The following IL27 variants were observed in gnomAD, a reference collection of about 807,000 sequenced individuals.
The protein encoded by IL27 is interleukin-27 subunit alpha.
A neutral mutation model predicts 27.0 loss-of-function variants in IL27; 11 were observed. The observed-to-expected ratio is 0.41, with a 90% CI of 0.26 to 0.67. The LOEUF (loss-of-function observed/expected upper bound fraction) is 0.67, where lower values mean the gene tolerates loss of function less well. Among genes scored for constraint, IL27 ranks in the 30% least tolerant of loss-of-function variants. The probability of loss-of-function intolerance (pLI) is 0.34; values close to 1 mark genes in which losing one functional copy is unlikely to be tolerated. For missense variants in IL27, 299 were observed against 310.4 expected (o/e 0.96, Z 0.28); for synonymous variants, 134 against 140.6 (o/e 0.95, Z 0.33).
intron 4 of IL27, 82 bp from the exon 5 acceptor site, chr16:28,500,002 T>C (rs1447163568): frequency 6.9e-7 from 1 of 1,450,184 alleles, no homozygotes; most frequent in Admixed American, 2.5e-5. Context: ...TGCCCAGCGG[T>C]TCCCAATGAC....
intron 1 of IL27, among the ~76,000 whole-genome samples, chr16:28,506,226 C>A (rs1221543265): frequency 6.6e-6 from 1 of 152,162 alleles, no homozygotes; most frequent in Non-Finnish European, 1.5e-5. Context: ...ATCCTCCAGC[C>A]TTTGGTCCCT....
At chr16:28,504,587 CTTTT>C (rs113113152) in intron 1 of IL27, among the ~76,000 whole-genome samples, 1 of 144,454 alleles carries the variant, frequency 6.9e-6, no homozygotes. Context: ...AAGCCTGATC[CTTTT>C]TTTTTTTTTT....
chr16:28,499,996 C>T, intron 4 of IL27, 76 bp from the exon 5 acceptor site: 2 of 1,455,404 alleles, frequency 1.4e-6, no homozygotes, highest in South Asian at 2.8e-5. Flanking sequence ...TATTCATGCC[C>T]AGCGGTTCCC....
Position 28,503,887 on chromosome 16 carries a change from G to C in IL27, c.195C>G (p.Ala65=), listed in dbSNP as rs2046447614. Residue 65 remains alanine, a synonymous_variant, in exon 2 of 5, where the codon GCC becomes GCG. Transcript: ENST00000356897. ...CATTAGGGGGACTTACAAAGCGGTG[G>C]GCCTGGCCCCGAACCTCGGAGAGCA... ...RKLLSEVRGQ[A]HRFAESHLPG... The C allele has an allele frequency of 6.2e-7, 1 of 1,614,040 alleles. No individual in the cohort carries two copies. Among genetic ancestry groups the C allele is most frequent in the African/African-American group, 1.3e-5 (1 of 74,942 alleles).
chr16:28,505,984 TG>T (rs141916168), intron 1 of IL27, among the ~76,000 whole-genome samples: 3,443 of 152,232 alleles, frequency 0.023, 62 homozygotes, highest in Non-Finnish European at 0.03. Flanking sequence ...TCAGACTCCC[TG>T]GTTTTGGGGC....
At chr16:28,501,536 T>A (rs2046429552) in intron 4 of IL27, among the ~76,000 whole-genome samples, 1 of 116,590 alleles carries the variant, frequency 8.6e-6, no homozygotes, top group Admixed American at 9.0e-5. Context: ...ATACACACAG[T>A]CATGCTCACA....
intron 3 of IL27, among the ~76,000 whole-genome samples, chr16:28,503,326 T>G (rs924122582): frequency 6.6e-6 from 1 of 152,128 alleles, no homozygotes; most frequent in South Asian, 2.1e-4. Context: ...CATAACTCAC[T>G]GCAGCCTCCA....
chr16:28,505,316 C>G (rs929425172), intron 1 of IL27, among the ~76,000 whole-genome samples: 1 of 150,890 alleles, frequency 6.6e-6, no homozygotes, highest in African/African-American at 2.4e-5. Context: ...GGGTAACCTG[C>G]CTGGGGCGAA....
Position 28,502,085 on chromosome 16 carries a change from G to T in IL27, c.353C>A (p.Ala118Asp), listed in dbSNP as rs1342626829. Reference protein sequence around the residue: ...FISTTLQPFHALLGGLGTQGR... With the variant: ...FISTTLQPFHDLLGGLGTQGR... ...CTGGGTCCCCAGCCCTCCCAGCAGG[G>T]CATGGAAGGGCTGAAGCGTGGTGGA... The change falls in exon 4 of 5, where the codon GCC becomes GAC. Residue 118 changes from alanine (A) to aspartate (D), a missense_variant. Transcript: ENST00000356897. 1 of 1,613,448 alleles carries T rather than the reference G, an allele frequency of 6.2e-7. No homozygotes were observed.
At position 28,503,737 on chromosome 16, in the gene IL27, G is replaced by T; in HGVS notation, c.261C>A (p.Leu87=). Residue 87 remains leucine (L), a synonymous_variant, in exon 3 of 5, where the codon CTC becomes CTA. Coordinates refer to ENST00000356897, the MANE Select transcript of IL27 (RefSeq NM_145659.3). ...NLYLLPLGEQ[L]PDVSLTFQAW... is the part of the protein sequence containing the mutation. ...CCTGGAAGGTCAGGGAAACATCAGG[G>T]AGCTGCTCTCCCAGGGGCAGGAGGT... 1 of 1,613,712 alleles carries T rather than the reference G, an allele frequency of 6.2e-7. No individual in the cohort carries two copies. The highest frequency in any genetic ancestry group is 8.5e-7 in the Non-Finnish European group (1 of 1,179,794).
At chr16:28,502,665 C>CT (rs1289550735) in intron 3 of IL27, among the ~76,000 whole-genome samples, 5 of 152,192 alleles carry the variant, frequency 3.3e-5, no homozygotes, top group Admixed American at 3.3e-4. Flanking sequence ...CTTCTCATCT[C>CT]TAACTATCCG....
intron 1 of IL27, 146 bp from the exon 2 acceptor site, chr16:28,504,196 G>A (rs1375864501): frequency 1.2e-5 from 10 of 806,046 alleles, no homozygotes; most frequent in Admixed American, 3.2e-5. Context: ...CCACAATGGA[G>A]GCTGGGTGCG....
intron 1 of IL27, among the ~76,000 whole-genome samples, chr16:28,504,309 C>T (rs1360711583): frequency 6.6e-6 from 1 of 152,148 alleles, no homozygotes; most frequent in Non-Finnish European, 1.5e-5. Flanking sequence ...GAAACCCTGT[C>T]TCTACTAAAA....
chr16:28,499,966 T>C (rs1316463479), intron 4 of IL27, 46 bp from the exon 5 acceptor site: 9 of 1,495,224 alleles, frequency 6.0e-6, no homozygotes, highest in Non-Finnish European at 7.2e-6. Context: ...GCCGAGAACC[T>C]GAGAGGAATC....
rs1289905036 is a variant in IL27, at chr16:28,504,574, CAGAAGCCTGATCCTT to C, written c.32-539_32-525del. Among the ~76,000 whole-genome samples, 9 of 148,708 alleles carry C rather than the reference CAGAAGCCTGATCCTT, an allele frequency of 6.1e-5. No homozygotes were observed. The Admixed American group carries it at 6.2e-4, about 10-fold the overall frequency. On this transcript the variant is annotated intron_variant, in intron 1 of 4. Transcript: ENST00000356897. ...GGTGTGCCCACTTTTGCAAAAAGAC[CAGAAGCCTGATCCTT>C]TTTTTTTTTTTTTGAAACAGAGTTC...
rs769318806 is a variant in IL27, at chr16:28,499,970, A to C, written c.463-50T>G. 14 of 1,490,560 alleles carry C rather than the reference A, an allele frequency of 9.4e-6. No homozygotes were observed. In the South Asian group the frequency reaches 1.8e-4, roughly 19 times the overall value. 92.3% of individuals were successfully genotyped at this position (1,490,560 alleles called of 1,614,324 possible). A position where few individuals can be genotyped will look rare whatever the true frequency, so the allele number is the denominator to read the frequency against. On this transcript the variant is annotated intron_variant, in intron 4 of 4. Transcript: ENST00000356897. ...GGAGGGGCCAGGCCGAGAACCTGAG[A>C]GGAATCCTCATTCCCTATTCATGCC...
At chr16:28,501,671 G>T (rs777146102) in intron 4 of IL27, among the ~76,000 whole-genome samples, 1 of 141,620 alleles carries the variant, frequency 7.1e-6, no homozygotes, top group Non-Finnish European at 1.5e-5. Flanking sequence ...ACACAGTCAT[G>T]CTCACACTCA....
At chr16:28,504,725 C>T (rs959239969) in intron 1 of IL27, among the ~76,000 whole-genome samples, 1 of 152,020 alleles carries the variant, frequency 6.6e-6, no homozygotes, top group Non-Finnish European at 1.5e-5. Flanking sequence ...GCTGGGATCA[C>T]AGGGACACAC....
rs2046446320 is a variant in IL27 at position 28,503,725 on chromosome 16, G to A, written c.273C>T (p.Ser91=). 2.5e-6 allele frequency: 4 copies of A among 1,613,370 alleles called. No individual in the cohort carries two copies. Among genetic ancestry groups the A allele is most frequent in the Non-Finnish European group, 3.4e-6 (4 of 1,179,664 alleles). The change falls in exon 3 of 5, where the codon TCC becomes TCT. Residue 91 remains serine, a synonymous_variant. Transcript: ENST00000356897. ...GGCGGCGCCAGGCCTGGAAGGTCAG[G>A]GAAACATCAGGGAGCTGCTCTCCCA... ...LPLGEQLPDV[S]LTFQAWRRLS...
Sources: gnomAD v4.1 joint callset for allele counts (sites outside exome capture counted in the v4.1 genomes callset) on GRCh38, gnomAD v4.1.1 for gene constraint, MANE v1.5 for transcripts, NCBI Gene and HGNC (gene_info 2026-07-23, HGNC 2026-07-21) for gene names.